Variants in COL18A1 observed in about 807,000 individuals in gnomAD.
COL18A1 encodes collagen type XVIII alpha 1 chain, also known as collagen alpha-1(XVIII) chain.
COL18A1 carries 133 observed loss-of-function variants against 168.0 expected under a neutral mutation model. That is an observed-to-expected ratio of 0.79 (90% CI 0.69 to 0.91). COL18A1 has a LOEUF of 0.91. Among genes scored for constraint, COL18A1 ranks in the 40% least tolerant of loss-of-function variants. The pLI, the probability that COL18A1 is intolerant of heterozygous loss-of-function variation, is 0.00. For synonymous variants in COL18A1, 949 were observed against 809.0 expected (o/e 1.17, Z -2.94); for missense variants, 2,126 against 1,925.4 (o/e 1.10, Z -1.95).
intron 2 of COL18A1, among the ~76,000 whole-genome samples, chr21:45,435,555 C>T (rs1182769597): frequency 6.6e-6 from 1 of 152,062 alleles, no homozygotes; most frequent in Admixed American, 6.5e-5. Flanking sequence ...AGCTCGGCCT[C>T]CATGTGTCAG....
At chr21:45,509,210 C>A (rs1487289730) in intron 38 of COL18A1, 146 bp from the exon 39 acceptor site, 2 of 1,122,862 alleles carry the variant, frequency 1.8e-6, no homozygotes, top group Non-Finnish European at 2.5e-6. Context: ...CCTACACCCC[C>A]AGGGCAGCCC....
chr21:45,467,731 G>A (rs1051346530), intron 2 of COL18A1, among the ~76,000 whole-genome samples: 6 of 152,148 alleles, frequency 3.9e-5, no homozygotes, highest in Non-Finnish European at 8.8e-5. Context: ...CTGGGGTGCC[G>A]GCCTGGGCTG....
chr21:45,487,016 C>A, intron 16 of COL18A1, 24 bp downstream of exon 16: 1 of 1,496,300 alleles, frequency 6.7e-7, no homozygotes, highest in Non-Finnish European at 8.8e-7. Flanking sequence ...ACACCTGACC[C>A]CCTGGAGAGC....
intron 5 of COL18A1, 126 bp from the exon 6 acceptor site, chr21:45,476,225 C>G: frequency 7.1e-7 from 1 of 1,417,982 alleles, no homozygotes; most frequent in South Asian, 1.3e-5. Flanking sequence ...CTGGAGCACC[C>G]TCCTGTTTCA....
Position 45,480,184 on chromosome 21 carries a change from C to T in COL18A1, c.1398+28C>T, listed in dbSNP as rs1277092606. On this transcript the variant is annotated intron_variant, in intron 11 of 41. Coordinates refer to ENST00000651438, the MANE Select transcript of COL18A1 (RefSeq NM_001379500.1). ...AAGTCCCGCCCTTGGCTTCCTGCGA[C>T]CCGGGGTCTGCCCTCCTCAAAAGCA... 9.6e-6 allele frequency: 13 copies of T among 1,352,962 alleles called. No homozygotes were observed. In the African/African-American group the frequency reaches 1.3e-4, roughly 14 times the overall value. 83.8% of individuals were successfully genotyped at this position (1,352,962 alleles called of 1,614,324 possible).
At chr21:45,409,120 C>T (rs1033845497) in intron 2 of COL18A1, among the ~76,000 whole-genome samples, 1 of 152,180 alleles carries the variant, frequency 6.6e-6, no homozygotes, top group Non-Finnish European at 1.5e-5. Context: ...GAAGGGGCCA[C>T]CCCAGTGCCT....
chr21:45,496,909 T>G, intron 30 of COL18A1, 141 bp from the exon 31 acceptor site: 2 of 710,816 alleles, frequency 2.8e-6, no homozygotes, highest in Non-Finnish European at 5.1e-6. Flanking sequence ...GTACCCCTGT[T>G]CCCTCCCGTC....
intron 2 of COL18A1, among the ~76,000 whole-genome samples, chr21:45,441,327 A>G (rs935336602): frequency 3.3e-5 from 5 of 152,160 alleles, no homozygotes; most frequent in South Asian, 2.1e-4. Context: ...GGGGGAAGCA[A>G]TGGGGCAAGA....
intron 2 of COL18A1, among the ~76,000 whole-genome samples, chr21:45,430,962 G>A (rs183800620): frequency 2.6e-5 from 4 of 152,242 alleles, no homozygotes; most frequent in Non-Finnish European, 4.4e-5. Context: ...AATCAAGTCC[G>A]TAGAAAGACC....
chr21:45,474,008 G>T, intron 4 of COL18A1, 27 bp downstream of exon 4: 1 of 1,550,322 alleles, frequency 6.5e-7, no homozygotes, highest in Non-Finnish European at 8.8e-7. Flanking sequence ...GCACGGGTGG[G>T]GTCTCCCCTC....
In COL18A1 at chr21:45,504,575, A is replaced by G; in HGVS notation, c.2868+19A>G. 2 of 1,561,118 alleles carry G rather than the reference A, an allele frequency of 1.3e-6. No homozygotes were observed. The highest frequency in any genetic ancestry group is 1.7e-6 in the Non-Finnish European group (2 of 1,154,224). On this transcript the variant is annotated intron_variant, in intron 34 of 41. Coordinates refer to ENST00000651438, the MANE Select transcript of COL18A1 (RefSeq NM_001379500.1). Reference sequence around the variant, plus strand: ...GATTCCAGTAAGTCCCAGCCTGTGCAGGCAGAGCCCATGTCCCAGGGGTCT... The same window carrying G: ...GATTCCAGTAAGTCCCAGCCTGTGCGGGCAGAGCCCATGTCCCAGGGGTCT...
intron 2 of COL18A1, among the ~76,000 whole-genome samples, chr21:45,417,358 C>T (rs888573545): frequency 6.6e-6 from 1 of 152,216 alleles, no homozygotes; most frequent in Admixed American, 6.5e-5. Context: ...TGGGCTGTTC[C>T]ACTGTAGTCT....
intron 2 of COL18A1, among the ~76,000 whole-genome samples, chr21:45,431,062 T>G (rs1569284251): frequency 2.0e-5 from 3 of 150,500 alleles, no homozygotes; most frequent in South Asian, 4.2e-4. Flanking sequence ...GGCTTCCAGG[T>G]GGTTTGTTTG....
At chr21:45,466,916 A>G (rs1227689850) in intron 2 of COL18A1, among the ~76,000 whole-genome samples, 1 of 152,182 alleles carries the variant, frequency 6.6e-6, no homozygotes, top group African/African-American at 2.4e-5. Flanking sequence ...TCACAGCCCC[A>G]GCTTGGACAT....
Position 45,482,837 on chromosome 21 carries a change from C to T in COL18A1, c.1701+16C>T. The T allele has an allele frequency of 6.2e-7, 1 of 1,614,190 alleles. No individual in the cohort carries two copies. The highest frequency in any genetic ancestry group is 8.5e-7 in the Non-Finnish European group (1 of 1,180,042). On this transcript the variant is annotated intron_variant, in intron 15 of 41. Coordinates refer to ENST00000651438, the MANE Select transcript of COL18A1 (RefSeq NM_001379500.1). ...AGGACATAAGGTACAAGCAGAATCC[C>T]TGGCACATCAGTCCCCTGCCCCTGG...
chr21:45,477,964 C>G lies in COL18A1; in HGVS notation c.1220C>G (p.Pro407Arg). 1 of 1,487,200 alleles carries G rather than the reference C, an allele frequency of 6.7e-7. No homozygotes were observed. Among genetic ancestry groups the G allele is most frequent in the Non-Finnish European group, 9.2e-7 (1 of 1,089,012 alleles). 92.1% of individuals were successfully genotyped at this position (1,487,200 alleles called of 1,614,324 possible). A position where few individuals can be genotyped will look rare whatever the true frequency, so the allele number is the denominator to read the frequency against. The change falls in exon 8 of 42, where the codon CCG becomes CGG. Residue 407 changes from proline (P) to arginine (R), a missense_variant and splice_region_variant. Pro to Arg is a moderately radical substitution (Grantham distance 103). Transcript: ENST00000651438. ...GGCACCCCTGGAAGGGACGGCGAGC[C>G]GGTGAGTCCTCACGTCCCCCCGAGT... ...RDGTPGRDGE[P>R]GDPGEDGKPG...
rs561945577 is a variant in COL18A1, at chr21:45,409,365, T to C, written c.106+3892T>C. ...GGCGCCCTTATACGATGATGATATT[T>C]GGTACATTTTGAAATACTGTGGCCC... On this transcript the variant is annotated intron_variant, in intron 2 of 41. Transcript: ENST00000651438. Among the ~76,000 whole-genome samples, 8 of 152,272 alleles carry C rather than the reference T, an allele frequency of 5.3e-5. No individual in the cohort carries two copies. The East Asian group carries it at 1.5e-3, about 29-fold the overall frequency.
At position 45,505,845 on chromosome 21, in the gene COL18A1, T is replaced by A; in HGVS notation, c.3095T>A (p.Leu1032His). The change falls in exon 37 of 42, where the codon CTC becomes CAC. Residue 1032 changes from leucine (L) to histidine (H), a missense_variant. Transcript: ENST00000651438. ...GTMGASSGVR[L>H]WATRQAMLGQ... Reference sequence around the variant, plus strand: ...TGCATTTGGTCCCAGCAGGTGAGGCTCTGGGCTACACGCCAGGCCATGCTG... The same window carrying A: ...TGCATTTGGTCCCAGCAGGTGAGGCACTGGGCTACACGCCAGGCCATGCTG... 1 of 1,597,712 alleles carries A rather than the reference T, an allele frequency of 6.3e-7. No individual in the cohort carries two copies. The highest frequency in any genetic ancestry group is 8.5e-7 in the Non-Finnish European group (1 of 1,173,712).
chr21:45,456,538 C>A (rs940416026), intron 2 of COL18A1: 1 of 1,548,254 alleles, frequency 6.5e-7, no homozygotes, highest in East Asian at 2.4e-5. Flanking sequence ...GCTGCCTGCC[C>A]CTGCCACCCT....
Sources: allele counts gnomAD v4.1 joint callset (sites outside exome capture counted in the v4.1 genomes callset), GRCh38; gene constraint gnomAD v4.1.1; transcripts MANE v1.5; gene names NCBI Gene and HGNC (gene_info 2026-07-23, HGNC 2026-07-21).